Variants in LCN6 observed in about 807,000 individuals in gnomAD.
The protein encoded by LCN6 is epididymal-specific lipocalin-6.
In LCN6, 20 loss-of-function variants were observed where a neutral mutation model predicts 21.4. The observed-to-expected ratio is 0.93, with a 90% confidence interval of 0.66 to 1.36. LCN6 has a LOEUF of 1.36. Among genes scored for constraint, LCN6 ranks in the 40% most tolerant of loss-of-function variants. The pLI is 0.00. For missense variants in LCN6, 217 were observed against 206.6 expected, an observed-to-expected ratio of 1.05 and a Z score of -0.31; for synonymous variants, 96 against 89.0, an observed-to-expected ratio of 1.08 and a Z score of -0.44.
intron 1 of LCN6, among the ~76,000 whole-genome samples, chr9:136,747,821 CCAGCCTTG>C (rs1847068602): frequency 8.4e-6 from 1 of 119,650 alleles, no homozygotes; most frequent in Non-Finnish European, 1.7e-5. Flanking sequence ...CTCCAACCTT[CCAGCCTTG>C]CAGCCTCTAG....
In LCN6 at chr9:136,747,425, C is replaced by G. The variant is rs142250381; in HGVS notation, c.229G>C (p.Gly77Arg). 1.9e-6 allele frequency: 3 copies of G among 1,612,674 alleles called. No homozygotes were observed. Among genetic ancestry groups the G allele is most frequent in the African/African-American group, 1.3e-5 (1 of 74,894 alleles). Residue 77 changes from glycine (G) to arginine (R), a missense_variant and splice_region_variant, in exon 2 of 7, where the codon GGG becomes CGG. Physicochemically the swap from Gly to Arg is moderately radical, Grantham distance 125 (BLOSUM62 -2). Coordinates refer to ENST00000341206, the MANE Select transcript of LCN6 (RefSeq NM_198946.3). ...NNLRTLSSQH[G>R]LGGCDQSVMD... is the part of the protein sequence containing the mutation. ...GCCTGGCAGGACCCGCCCACTCACC[C>G]GTGCTGAGAGGACAGCGTCCGCAGG...
chr9:136,747,523 T>A lies in LCN6; in HGVS notation c.131A>T (p.Glu44Val). 1 of 1,613,168 alleles carries A rather than the reference T, an allele frequency of 6.2e-7. No individual in the cohort carries two copies. The highest frequency in any genetic ancestry group is 8.5e-7 in the Non-Finnish European group (1 of 1,179,842). The change falls in exon 2 of 7, where the codon GAA (glutamate) becomes GTA (valine). Residue 44 changes from glutamate (E) to valine (V), a missense_variant. Physicochemically the swap from Glu to Val is moderately radical, Grantham distance 121. Transcript: ENST00000341206. ...PWYVLAVASR[E>V]KGFAMEKDMK... ...GTCCTTCTCCATGGCAAAGCCCTTT[T>A]CCCGGGAGGCCACCGCAAGCACGTA...
intron 3 of LCN6, 149 bp from the exon 4 acceptor site, chr9:136,745,429 C>A (rs931886803): frequency 1.7e-5 from 11 of 634,622 alleles, no homozygotes; most frequent in Non-Finnish European, 2.8e-5. Flanking sequence ...CCCAGAGCCC[C>A]CAAGCTTTGT....
At chr9:136,747,682 C>T (rs1469633693) in intron 1 of LCN6, 119 bp from the exon 2 acceptor site, 61 of 777,638 alleles carry the variant, frequency 7.8e-5, no homozygotes, top group African/African-American at 2.3e-4. Flanking sequence ...CACCCTCCAA[C>T]CATCCAGCCC....
intron 2 of LCN6, among the ~76,000 whole-genome samples, chr9:136,746,564 C>T (rs1352945222): frequency 6.6e-6 from 1 of 152,154 alleles, no homozygotes; most frequent in Non-Finnish European, 1.5e-5. Flanking sequence ...CACGTGGGAG[C>T]TGCCACCTCA....
In LCN6 at chr9:136,748,460, A is replaced by G. The variant is rs1227864035; in HGVS notation, c.24T>C (p.Ala8=). Residue 8 remains alanine (A), a synonymous_variant, in exon 1 of 7, where the codon GCT becomes GCC. Coordinates refer to ENST00000341206, the MANE Select transcript of LCN6 (RefSeq NM_198946.3). MGGLLLA[A]FLALVSVPRA... ...TGGGCACCGAGACCAAAGCCAGAAAAGCAGCCAGCAGCAGGCCGCCCATCC... is the reference window on the plus strand; with the variant it reads ...TGGGCACCGAGACCAAAGCCAGAAAGGCAGCCAGCAGCAGGCCGCCCATCC... 1 of 1,613,034 alleles carries G rather than the reference A, an allele frequency of 6.2e-7. No homozygotes were observed. Among genetic ancestry groups the G allele is most frequent in the East Asian group, 2.2e-5 (1 of 44,836 alleles).
Position 136,747,576 on chromosome 9 carries a change from G to A in LCN6, c.91-13C>T, listed in dbSNP as rs756724288. ...AGGGCCCAAGAAGCTGCATTGAGGC[G>A]GCTCCCGTTAGGGCCGCCAGCCCTC... On this transcript the variant is annotated splice_polypyrimidine_tract_variant and intron_variant, in intron 1 of 6. Coordinates refer to ENST00000341206, the MANE Select transcript of LCN6 (RefSeq NM_198946.3). 1.8e-5 allele frequency: 29 copies of A among 1,606,778 alleles called. No individual in the cohort carries two copies. Among genetic ancestry groups the A allele is most frequent in the East Asian group, 4.5e-5 (2 of 44,892 alleles).
At position 136,744,966 on chromosome 9, in the gene LCN6, G is replaced by A. The variant is rs902902651; in HGVS notation, c.412+204C>T. 4.0e-5 allele frequency among the ~76,000 whole-genome samples: 6 copies of A among 150,970 alleles called. No individual in the cohort carries two copies. The highest frequency in any genetic ancestry group is 7.4e-5 in the Non-Finnish European group (5 of 67,788). On this transcript the variant is annotated intron_variant, in intron 4 of 6. Transcript: ENST00000341206. This position sits in a 1 kb window ranked among gnomAD's most constrained non-coding sequence, Gnocchi z 4.2. ...CAGCTCCCCACATGGCCCCCGAGCG[G>A]CCCACTCACCACACAGCTCCCCATG... is the stretch of plus-strand genomic sequence containing the variant.
chr9:136,747,333 C>A, intron 2 of LCN6, 91 bp downstream of exon 2: 1 of 1,462,834 alleles, frequency 6.8e-7, no homozygotes, highest in Non-Finnish European at 9.3e-7. Context: ...GCCCCCAGGC[C>A]GCGGTGCCCG....
chr9:136,745,210 C>T lies in LCN6; in HGVS notation c.372G>A (p.Leu124=). The part of the protein sequence containing the change: ...FRDYAIIFTQ[L]EFGDEPFNTV... ...TGTTGAAGGGCTCGTCCCCGAACTCCAGCTGAGTGAAGATGATGGCATAGT... is the reference window on the plus strand; with the variant it reads ...TGTTGAAGGGCTCGTCCCCGAACTCTAGCTGAGTGAAGATGATGGCATAGT... Residue 124 remains leucine (L), a synonymous_variant, in exon 4 of 7, where the codon CTG becomes CTA. Transcript: ENST00000341206. 6.2e-7 allele frequency: 1 copy of T among 1,613,742 alleles called. No homozygotes were observed. The highest frequency in any genetic ancestry group is 1.3e-5 in the African/African-American group (1 of 75,050).
rs370678746 is a variant in LCN6, at chr9:136,745,850, T to G, written c.295A>C (p.Asn99His). The G allele has an allele frequency of 2.5e-6, 4 of 1,613,266 alleles. No individual in the cohort carries two copies. The African/African-American group carries it at 5.3e-5, about 22-fold the overall frequency. The change falls in exon 3 of 7, where the codon AAT (asparagine) becomes CAT (histidine). Residue 99 changes from asparagine to histidine, a missense_variant. Asn to His is a moderately conservative substitution (Grantham distance 68). Coordinates refer to ENST00000341206, the MANE Select transcript of LCN6 (RefSeq NM_198946.3). ...IKRNSGWVFE[N>H]PSIGVLELWV... ...CCGTGGCCGTCAGACTCACAGGGAT[T>G]CTCAAACACCCATCCGGAGTTTCGC...
Position 136,744,689 on chromosome 9 carries a change from G to T in LCN6, c.465C>A (p.Ser155Arg), listed in dbSNP as rs1370445474. ...QEAMGLFTKW[S>R]RSLGFLSQ ...ACTGTGACAGGAAGCCCAGGCTCCT[G>T]CTCCACTTGGTGAAGAGCCCCATGG... Residue 155 changes from serine (S) to arginine (R), a missense_variant, in exon 5 of 7, where the codon AGC (serine) becomes AGA (arginine). Ser to Arg is a moderately radical substitution (Grantham distance 110). Transcript: ENST00000341206. This position sits in a 1 kb window ranked among gnomAD's most constrained non-coding sequence, Gnocchi z 4.2. 1 of 1,610,544 alleles carries T rather than the reference G, an allele frequency of 6.2e-7. No individual in the cohort carries two copies. The highest frequency in any genetic ancestry group is 1.1e-5 in the South Asian group (1 of 90,774).
In LCN6 at chr9:136,744,888, T is replaced by G. The variant is rs1264079627; in HGVS notation, c.413-147A>C. The G allele has an allele frequency of 1.6e-5, 11 of 674,366 alleles. No individual in the cohort carries two copies. The highest frequency in any genetic ancestry group is 1.4e-4 in the African/African-American group (8 of 55,832). The allele number at this position is 674,366 out of a possible 1,614,324, so 41.8% of individuals were successfully genotyped here. A position where few individuals can be genotyped will look rare whatever the true frequency, so the allele number is the denominator to read the frequency against. On this transcript the variant is annotated intron_variant, in intron 4 of 6. Coordinates refer to ENST00000341206, the MANE Select transcript of LCN6 (RefSeq NM_198946.3). This position sits in a 1 kb window ranked among gnomAD's most constrained non-coding sequence, Gnocchi z 4.2. Reference sequence around the variant, plus strand: ...AAAGCCACCTCCAGTGCAGCGAGCCTCAAGGTGGGGGAACTTGGCCTGCAT... The same window carrying G: ...AAAGCCACCTCCAGTGCAGCGAGCCGCAAGGTGGGGGAACTTGGCCTGCAT...
At position 136,745,758 on chromosome 9, in the gene LCN6, A is replaced by G; in HGVS notation, c.301+86T>C. ...GTAGCCTCCTGGCTCTCGGGAGCGG[A>G]GTCAGCCCTCCGTCCCTGCCCGCAG... On this transcript the variant is annotated intron_variant, in intron 3 of 6. Transcript: ENST00000341206. 4 of 1,180,298 alleles carry G rather than the reference A, an allele frequency of 3.4e-6. No homozygotes were observed. The South Asian group carries it at 4.9e-5, about 15-fold the overall frequency. The allele number at this position is 1,180,298 out of a possible 1,614,324, so 73.1% of individuals were successfully genotyped here.
At position 136,745,919 on chromosome 9, in the gene LCN6, A is replaced by G; in HGVS notation, c.231-5T>C. The stretch of plus-strand genomic sequence containing the variant: ...CTCTGGTCACACCCTCCCAGCCTGG[A>G]AAAGAAGGGGCCTGTCACCCACTCA... On this transcript the variant is annotated splice_region_variant and splice_polypyrimidine_tract_variant and intron_variant, in intron 2 of 6. Transcript: ENST00000341206. 6.2e-7 allele frequency: 1 copy of G among 1,613,410 alleles called. No homozygotes were observed. The highest frequency in any genetic ancestry group is 8.5e-7 in the Non-Finnish European group (1 of 1,179,740).
At chr9:136,746,101 C>G in intron 2 of LCN6, 187 bp from the exon 3 acceptor site, 1 of 603,312 alleles carries the variant, frequency 1.7e-6, no homozygotes, top group Non-Finnish European at 3.0e-6. Flanking sequence ...CTGAGAGGGG[C>G]GGACACTCCC....
chr9:136,747,310 G>A, intron 2 of LCN6, 114 bp downstream of exon 2: 1 of 1,214,658 alleles, frequency 8.2e-7, no homozygotes, highest in South Asian at 1.4e-5. Context: ...GGGGTGCAGA[G>A]GGGCCGTGGG....
intron 3 of LCN6, 25 bp from the exon 4 acceptor site, chr9:136,745,305 A>G: frequency 6.7e-7 from 1 of 1,503,024 alleles, no homozygotes. Context: ...CCCCCGCCTC[A>G]GGGGAGGGCA....
At chr9:136,746,624 G>GC (rs1374043441) in intron 2 of LCN6, among the ~76,000 whole-genome samples, 1 of 152,084 alleles carries the variant, frequency 6.6e-6, no homozygotes, top group African/African-American at 2.4e-5. Flanking sequence ...CCTGGCCCGG[G>GC]GGGTGCAGTG....
Sources: gnomAD v4.1 joint callset for allele counts (sites outside exome capture counted in the v4.1 genomes callset) on GRCh38, gnomAD v4.1.1 for gene constraint, Gnocchi (gnomAD v3.1) non-coding constraint, MANE v1.5 for transcripts, NCBI Gene and HGNC (gene_info 2026-07-23, HGNC 2026-07-21) for gene names.